Variants in CAMSAP2 observed in about 807,000 individuals in gnomAD.
CAMSAP2 encodes calmodulin regulated spectrin associated protein family member 2, also known as calmodulin-regulated spectrin-associated protein 2.
In CAMSAP2, 26 loss-of-function variants were observed where a neutral mutation model predicts 146.1. That is an observed-to-expected ratio of 0.18 (90% confidence interval 0.13 to 0.25). CAMSAP2 has a LOEUF of 0.25. CAMSAP2 is among the 10% of genes least tolerant of loss of function. CAMSAP2 has a pLI of 1.00. For missense variants in CAMSAP2, 1,381 were observed against 1,759.3 expected (o/e 0.78, Z 3.85); for synonymous variants, 499 against 596.6 (o/e 0.84, Z 2.38).
rs1160955741 is a variant in CAMSAP2 at position 200,832,839 on chromosome 1, C to T, written c.921C>T (p.Ser307=). ...AAGATATGCTCTATGCTGCTTCATC[C>T]ATAAAGGTAAATTAAATTATTCTTT... is the stretch of plus-strand genomic sequence containing the variant. ...TLEDMLYAAS[S]IKSNYLVFMA... is the part of the protein sequence containing the mutation. The change falls in exon 6 of 17, where the codon TCC becomes TCT. Residue 307 remains serine (S), a synonymous_variant. Coordinates refer to ENST00000358823, the MANE Select transcript of CAMSAP2 (RefSeq NM_203459.4). The surrounding 1 kb of genome is among the most constrained non-coding windows in gnomAD (Gnocchi z 4.2). The T allele has an allele frequency of 3.2e-6, 5 of 1,560,546 alleles. No individual in the cohort carries two copies. The highest frequency in any genetic ancestry group is 4.3e-6 in the Non-Finnish European group (5 of 1,159,008).
chr1:200,816,736 ACACACACACGCG>A lies in CAMSAP2; in HGVS notation c.645+1093_645+1104del, dbSNP rs1558190779. 3.5e-4 allele frequency among the ~76,000 whole-genome samples: 36 copies of A among 104,102 alleles called. 4 individuals are homozygous for A. The highest frequency in any genetic ancestry group is 4.9e-4 in the African/African-American group (14 of 28,646). 68.3% of individuals were successfully genotyped at this position (104,102 alleles called of 152,430 possible). On this transcript the variant is annotated intron_variant, in intron 4 of 16. Transcript: ENST00000358823. ...TATACACACGCACATATATGTGTGT[ACACACACACGCG>A]TGTATATATGTGTGTACACACACAC...
At chr1:200,846,765 GCTA>G (rs1667468910) in intron 8 of CAMSAP2, among the ~76,000 whole-genome samples, 1 of 152,294 alleles carries the variant, frequency 6.6e-6, no homozygotes, top group East Asian at 1.9e-4. Context: ...GTTTTCAGCA[GCTA>G]CTCCACACAC....
At chr1:200,796,974 T>A (rs1275147744) in intron 2 of CAMSAP2, among the ~76,000 whole-genome samples, 3 of 152,144 alleles carry the variant, frequency 2.0e-5, no homozygotes, top group Non-Finnish European at 4.4e-5. Context: ...TTCCAATTTC[T>A]TCCATGTCCC....
intron 4 of CAMSAP2, among the ~76,000 whole-genome samples, chr1:200,831,475 A>G (rs754485374): frequency 1.3e-5 from 2 of 152,222 alleles, no homozygotes; most frequent in African/African-American, 2.4e-5. Context: ...TCTCTTAACT[A>G]TTACAGCATG....
chr1:200,751,003 A>G (rs1664490687), intron 1 of CAMSAP2, among the ~76,000 whole-genome samples: 1 of 150,042 alleles, frequency 6.7e-6, no homozygotes, highest in Non-Finnish European at 1.5e-5. Context: ...CCCGGGTTCA[A>G]GGGATTCTCA....
chr1:200,807,645 A>G, intron 3 of CAMSAP2, 108 bp downstream of exon 3: 5 of 831,032 alleles, frequency 6.0e-6, no homozygotes, highest in Non-Finnish European at 8.4e-6. Flanking sequence ...TCAAAGTGCA[A>G]ACTTAAGTTG....
Position 200,859,377 on chromosome 1 carries a change from T to C in CAMSAP2, c.*1318T>C, listed in dbSNP as rs1667827639. On this transcript the variant is annotated 3_prime_UTR_variant, in exon 17 of 17. Coordinates refer to ENST00000358823, the MANE Select transcript of CAMSAP2 (RefSeq NM_203459.4). ...GTAGAGATAAAAATATATACATTTC[T>C]CTAATTGAGTTGTTTAGAGAAAGAA... 6.6e-6 allele frequency: 1 copy of C among 152,632 alleles called. No individual in the cohort carries two copies. The allele number at this position is 152,632 out of a possible 1,614,324, so 9.5% of individuals were successfully genotyped here.
intron 3 of CAMSAP2, among the ~76,000 whole-genome samples, chr1:200,807,739 CTTTTTTT>C (rs397948290): frequency 7.6e-6 from 1 of 131,394 alleles, no homozygotes; most frequent in Admixed American, 7.8e-5. Flanking sequence ...TATGATTACT[CTTTTTTT>C]TTTTTTTTTT....
rs898540053 is a variant in CAMSAP2, at chr1:200,798,275, G to A, written c.400-9101G>A. Among the ~76,000 whole-genome samples, 66 of 138,112 alleles carry A rather than the reference G, an allele frequency of 4.8e-4. 1 individual carries two copies. The highest frequency in any genetic ancestry group is 1.5e-3 in the South Asian group (6 of 4,032). The allele number at this position is 138,112 out of a possible 152,430, so 90.6% of individuals were successfully genotyped here. On this transcript the variant is annotated intron_variant, in intron 2 of 16. Coordinates refer to ENST00000358823, the MANE Select transcript of CAMSAP2 (RefSeq NM_203459.4). ...CCTTGGGCAGTATGGCCATTTTCAC[G>A]ATATTGATTCTTCCCACCCATGAGC...
chr1:200,784,822 A>T (rs192642259), intron 2 of CAMSAP2, among the ~76,000 whole-genome samples: 2 of 152,292 alleles, frequency 1.3e-5, no homozygotes, highest in East Asian at 3.9e-4. Context: ...CTTATTCCTC[A>T]TCTTATCAGG....
chr1:200,788,419 T>C (rs1665654151), intron 2 of CAMSAP2, among the ~76,000 whole-genome samples: 1 of 152,130 alleles, frequency 6.6e-6, no homozygotes, highest in South Asian at 2.1e-4. Context: ...TGCTGGATCA[T>C]AGAGTAATAA....
chr1:200,835,343 AACATTG>A (rs1428574205), intron 6 of CAMSAP2, among the ~76,000 whole-genome samples: 1 of 152,234 alleles, frequency 6.6e-6, no homozygotes, highest in Non-Finnish European at 1.5e-5. Context: ...TAACTTTTAG[AACATTG>A]CAGGACCCAC....
intron 14 of CAMSAP2, among the ~76,000 whole-genome samples, chr1:200,855,665 C>T (rs1571837298): frequency 6.6e-6 from 1 of 151,810 alleles, no homozygotes; most frequent in African/African-American, 2.4e-5. Flanking sequence ...GACACGATCT[C>T]GGCTCACTGC....
intron 1 of CAMSAP2, among the ~76,000 whole-genome samples, chr1:200,754,574 C>CTTTTTT (rs35219206): frequency 4.6e-5 from 4 of 86,580 alleles, no homozygotes; most frequent in Non-Finnish European, 7.0e-5. Context: ...GAAAGAGCTC[C>CTTTTTT]TTTTTTTTTT....
intron 2 of CAMSAP2, among the ~76,000 whole-genome samples, chr1:200,806,492 A>G (rs1666172782): frequency 6.6e-6 from 1 of 152,196 alleles, no homozygotes; most frequent in Admixed American, 6.5e-5. Flanking sequence ...TAACCTTTCT[A>G]GAGAGTAGAT....
intron 2 of CAMSAP2, among the ~76,000 whole-genome samples, chr1:200,797,441 A>T (rs1665916119): frequency 6.7e-6 from 1 of 148,906 alleles, no homozygotes; most frequent in Non-Finnish European, 1.5e-5. Flanking sequence ...GCATTTTTTC[A>T]TGTGTTTTTT....
At chr1:200,765,494 G>T (rs1664923877) in intron 2 of CAMSAP2, among the ~76,000 whole-genome samples, 1 of 152,082 alleles carries the variant, frequency 6.6e-6, no homozygotes, top group African/African-American at 2.4e-5. Flanking sequence ...CTCCCAAAGT[G>T]CTGGGATTAC....
intron 1 of CAMSAP2, among the ~76,000 whole-genome samples, chr1:200,742,153 A>G (rs1188043927): frequency 2.0e-5 from 3 of 152,194 alleles, no homozygotes; most frequent in African/African-American, 7.2e-5. Flanking sequence ...CTGGCAAGTG[A>G]TGTGTTCTGC....
chr1:200,778,753 G>C (rs1665351210), intron 2 of CAMSAP2, among the ~76,000 whole-genome samples: 1 of 149,532 alleles, frequency 6.7e-6, no homozygotes, highest in Non-Finnish European at 1.5e-5. Context: ...GGCTACAGTA[G>C]ATTTAGGTTG....
Sources: gnomAD v4.1 joint callset for allele counts (sites outside exome capture counted in the v4.1 genomes callset) on GRCh38, gnomAD v4.1.1 for gene constraint, Gnocchi (gnomAD v3.1) non-coding constraint, MANE v1.5 for transcripts, NCBI Gene and HGNC (gene_info 2026-07-23, HGNC 2026-07-21) for gene names.